Variants in GYPC observed in about 807,000 individuals in gnomAD.
The protein encoded by GYPC is glycophorin C (Gerbich blood group).
GYPC carries 14 observed loss-of-function variants against 12.6 expected under a neutral mutation model. The ratio of observed to expected loss-of-function variants is 1.11; its 90% CI spans 0.74 to 1.74. GYPC has a LOEUF of 1.74. Ranked by LOEUF, GYPC falls within the 40% of genes most tolerant of loss-of-function variation. The probability of loss-of-function intolerance (pLI) is 0.00; values close to 1 mark genes in which losing one functional copy is unlikely to be tolerated. For synonymous variants in GYPC, 78 were observed against 62.1 expected (o/e 1.26, Z -1.20); for missense variants, 225 against 172.1 (o/e 1.31, Z -1.72).
At chr2:126,693,976 C>T in intron 3 of GYPC, 29 bp downstream of exon 3, 1 of 1,455,040 alleles carries the variant, frequency 6.9e-7, no homozygotes, top group Non-Finnish European at 9.7e-7. Context: ...GCCCTTCAAG[C>T]AGCCAGGGTG....
At chr2:126,687,302 C>T (rs1683318666) in intron 1 of GYPC, among the ~76,000 whole-genome samples, 1 of 152,206 alleles carries the variant, frequency 6.6e-6, no homozygotes, top group Admixed American at 6.5e-5. Context: ...ACCAGCACTT[C>T]CCAGCCTACA....
At chr2:126,680,647 A>G (rs1276664541) in intron 1 of GYPC, among the ~76,000 whole-genome samples, 1 of 152,188 alleles carries the variant, frequency 6.6e-6, no homozygotes, top group Non-Finnish European at 1.5e-5. Flanking sequence ...CTGGGGGTGA[A>G]CCATGGACTG....
chr2:126,665,558 G>T (rs767199908), intron 1 of GYPC, among the ~76,000 whole-genome samples: 1 of 152,168 alleles, frequency 6.6e-6, no homozygotes, highest in African/African-American at 2.4e-5. Context: ...GATAAGGCTG[G>T]AGGACATCAG....
intron 1 of GYPC, chr2:126,658,443 A>T (rs555341997): frequency 1.3e-4 from 20 of 152,346 alleles, no homozygotes; most frequent in African/African-American, 4.6e-4. Flanking sequence ...CCCTCAACAG[A>T]GGTGAGAGGT....
At chr2:126,673,850 G>A (rs1682919616) in intron 1 of GYPC, among the ~76,000 whole-genome samples, 1 of 152,180 alleles carries the variant, frequency 6.6e-6, no homozygotes, top group African/African-American at 2.4e-5. Context: ...ACTGTTGGGA[G>A]ACTTAAATGA....
intron 1 of GYPC, 134 bp from the exon 2 acceptor site, chr2:126,690,121 C>T: frequency 1.3e-6 from 1 of 749,240 alleles, no homozygotes; most frequent in East Asian, 2.5e-5. Context: ...GTGGGTGCAC[C>T]ACACTGTCTC....
rs55662976 is a variant in GYPC at position 126,661,455 on chromosome 2, C to CTT, written c.49+5156_49+5157dup. 9.5e-3 allele frequency among the ~76,000 whole-genome samples: 1,378 copies of CTT among 145,240 alleles called. 28 individuals carry two copies. The highest frequency in any genetic ancestry group is 0.033 in the African/African-American group (1,330 of 39,716). On this transcript the variant is annotated intron_variant, in intron 1 of 3. Transcript: ENST00000259254. The stretch of plus-strand genomic sequence containing the variant: ...AGCCAGATGCCCCTTCTCTCTCTCT[C>CTT]TTTTTTTTTTTTTTGATACGGAGTT...
chr2:126,674,650 C>CT (rs1025477257), intron 1 of GYPC, among the ~76,000 whole-genome samples: 1 of 152,146 alleles, frequency 6.6e-6, no homozygotes, highest in East Asian at 1.9e-4. Flanking sequence ...AGATGGAAGC[C>CT]TTTTTTTAAG....
At chr2:126,680,909 C>T (rs933285874) in intron 1 of GYPC, among the ~76,000 whole-genome samples, 2 of 152,150 alleles carry the variant, frequency 1.3e-5, no homozygotes, top group Non-Finnish European at 2.9e-5. Context: ...CGGGAGACAC[C>T]GCCAAGCAGG....
intron 1 of GYPC, among the ~76,000 whole-genome samples, chr2:126,685,411 T>C (rs1463980559): frequency 6.6e-6 from 1 of 150,980 alleles, no homozygotes; most frequent in African/African-American, 2.4e-5. Flanking sequence ...TTGAGAGGGA[T>C]TCTCACTCTG....
At chr2:126,669,161 T>G (rs1016171030) in intron 1 of GYPC, among the ~76,000 whole-genome samples, 1 of 152,226 alleles carries the variant, frequency 6.6e-6, no homozygotes, top group African/African-American at 2.4e-5. Flanking sequence ...CAATGCTGAC[T>G]GCTGAGGATG....
At chr2:126,683,353 A>C (rs1366394411) in intron 1 of GYPC, among the ~76,000 whole-genome samples, 1 of 152,160 alleles carries the variant, frequency 6.6e-6, no homozygotes, top group African/African-American at 2.4e-5. Flanking sequence ...TTTCCTGATA[A>C]ACTACAAATG....
At chr2:126,660,229 G>A (rs1682498767) in intron 1 of GYPC, among the ~76,000 whole-genome samples, 1 of 152,224 alleles carries the variant, frequency 6.6e-6, no homozygotes, top group South Asian at 2.1e-4. Context: ...CAGCTCCTCA[G>A]CCGGGCCTGT....
chr2:126,660,007 G>A (rs1558877175), intron 1 of GYPC, among the ~76,000 whole-genome samples: 1 of 152,140 alleles, frequency 6.6e-6, no homozygotes. Context: ...AGGCTCGGGG[G>A]AGATAAGCCG....
chr2:126,656,330 G>A lies in GYPC; in HGVS notation c.49+18G>A, dbSNP rs753693452. ...CAGCCTCGGTGAGTACCCGCCGTGG[G>A]GAAGGGTCCTGGGGACCCACTGGAG... is the stretch of plus-strand genomic sequence containing the variant. On this transcript the variant is annotated intron_variant, in intron 1 of 3. Transcript: ENST00000259254. 4 of 1,585,614 alleles carry A rather than the reference G, an allele frequency of 2.5e-6. No individual in the cohort carries two copies. Among genetic ancestry groups the A allele is most frequent in the South Asian group, 1.1e-5 (1 of 87,484 alleles).
In GYPC at chr2:126,694,391, AG is replaced by A. The variant is rs1410449725; in HGVS notation, c.190+448del. On this transcript the variant is annotated intron_variant, in intron 3 of 3. Coordinates refer to ENST00000259254, the MANE Select transcript of GYPC (RefSeq NM_002101.5). ...TTTGCCTTGCTTTGAACCCTGGGCA[AG>A]GGGCTCCCCATGGGTCATGGCTGTG... Among the ~76,000 whole-genome samples, 4 of 152,246 alleles carry A rather than the reference AG, an allele frequency of 2.6e-5. No homozygotes were observed. The East Asian group carries it at 5.8e-4, about 22-fold the overall frequency.
At chr2:126,658,066 CG>C (rs1356424530) in intron 1 of GYPC, 1 of 152,338 alleles carries the variant, frequency 6.6e-6, no homozygotes, top group African/African-American at 2.4e-5. Flanking sequence ...ACAGTTACTG[CG>C]CGTGAGTCAT....
intron 1 of GYPC, among the ~76,000 whole-genome samples, chr2:126,677,425 ATG>A (rs976487513): frequency 9.0e-5 from 13 of 144,568 alleles, no homozygotes; most frequent in African/African-American, 2.3e-4. Flanking sequence ...GTGTGAGAGA[ATG>A]TGAGAGAGTA....
At position 126,663,332 on chromosome 2, in the gene GYPC, A is replaced by G. The variant is rs543055578; in HGVS notation, c.49+7020A>G. Among the ~76,000 whole-genome samples, 5 of 152,290 alleles carry G rather than the reference A, an allele frequency of 3.3e-5. No individual in the cohort carries two copies. In the South Asian group the frequency reaches 6.2e-4, roughly 19 times the overall value. On this transcript the variant is annotated intron_variant, in intron 1 of 3. Transcript: ENST00000259254. The stretch of plus-strand genomic sequence containing the variant: ...ATTATAGGCATGAGCCACCACGCCC[A>G]GCCTCCTTCATGTTTTTATCCAAGA...
Sources: gnomAD v4.1 joint callset for allele counts (sites outside exome capture counted in the v4.1 genomes callset) on GRCh38, gnomAD v4.1.1 for gene constraint, MANE v1.5 for transcripts, NCBI Gene and HGNC (gene_info 2026-07-23, HGNC 2026-07-21) for gene names.